Variants in DAB1 observed in about 807,000 individuals in gnomAD.
The protein encoded by DAB1 is disabled homolog 1.
DAB1 carries 15 observed loss-of-function variants against 64.6 expected under a neutral mutation model. The ratio of observed to expected loss-of-function variants is 0.23; its 90% CI spans 0.16 to 0.36. The LOEUF (loss-of-function observed/expected upper bound fraction) is 0.36, where lower values mean the gene tolerates loss of function less well. Ranked by LOEUF, DAB1 falls within the 10% of genes least tolerant of loss-of-function variation. DAB1 has a pLI of 1.00. For synonymous variants in DAB1, 235 were observed against 251.9 expected, an observed-to-expected ratio of 0.93 and a Z score of 0.64; for missense variants, 596 against 706.7, an observed-to-expected ratio of 0.84 and a Z score of 1.78.
At chr1:57,512,896 G>A (rs946517861) in intron 7 of DAB1, among the ~76,000 whole-genome samples, 8 of 152,274 alleles carry the variant, frequency 5.3e-5, no homozygotes, top group Middle Eastern at 3.4e-3. Flanking sequence ...ACCCATTTCC[G>A]TGGATGGTGC....
chr1:58,541,666 C>G (rs1646623374), intron 1 of DAB1: 1 of 134,576 alleles, frequency 7.4e-6, no homozygotes, highest in Non-Finnish European at 1.6e-5. Context: ...CAAAAAAACC[C>G]AGATTGAGGG....
chr1:57,299,351 T>C lies in DAB1; in HGVS notation c.-136-8185A>G, dbSNP rs149197882. 2.6e-5 allele frequency among the ~76,000 whole-genome samples: 4 copies of C among 152,342 alleles called. No individual in the cohort carries two copies. In the East Asian group the frequency reaches 7.7e-4, roughly 29 times the overall value. On this transcript the variant is annotated intron_variant, in intron 1 of 14. Transcript: ENST00000371236. ...GTATTTTTGGAAAAATAAAATGCTA[T>C]GTTCCAGAAGGCAGCATTCTTGTTA... is the stretch of plus-strand genomic sequence containing the variant.
At chr1:57,669,559 T>C (rs1646486863) in intron 6 of DAB1, among the ~76,000 whole-genome samples, 1 of 152,154 alleles carries the variant, frequency 6.6e-6, no homozygotes, top group African/African-American at 2.4e-5. Flanking sequence ...GTTAAATTAA[T>C]TTATGTGAAC....
chr1:57,179,025 G>A (rs1051306903), intron 2 of DAB1, among the ~76,000 whole-genome samples: 1 of 152,132 alleles, frequency 6.6e-6, no homozygotes, highest in Admixed American at 6.6e-5. Flanking sequence ...ATTTATTTGG[G>A]AAGGAGACTC....
At chr1:58,171,342 T>G (rs933338648) in intron 4 of DAB1, among the ~76,000 whole-genome samples, 3 of 152,170 alleles carry the variant, frequency 2.0e-5, no homozygotes, top group Non-Finnish European at 4.4e-5. Flanking sequence ...CATAAAGGAT[T>G]ACAGGATATT....
chr1:58,299,702 T>G (rs1202590701), intron 4 of DAB1, among the ~76,000 whole-genome samples: 1 of 152,142 alleles, frequency 6.6e-6, no homozygotes, highest in East Asian at 1.9e-4. Flanking sequence ...TAACACATCT[T>G]TCTGGGACTT....
chr1:57,795,986 G>A (rs535680043), intron 6 of DAB1, among the ~76,000 whole-genome samples: 9 of 151,410 alleles, frequency 5.9e-5, no homozygotes, highest in Non-Finnish European at 1.2e-4. Context: ...ATAAAACAAG[G>A]TATCATATAT....
chr1:57,888,105 C>T (rs1041218988), upstream of DAB1, among the ~76,000 whole-genome samples: 1 of 152,110 alleles, frequency 6.6e-6, no homozygotes, highest in Non-Finnish European at 1.5e-5. Flanking sequence ...CACTGTAGGG[C>T]CCCGACCACG....
At chr1:58,084,807 A>AT in intron 5 of DAB1, among the ~76,000 whole-genome samples, 1 of 149,958 alleles carries the variant, frequency 6.7e-6, no homozygotes, top group African/African-American at 2.4e-5. Context: ...ATATACACAC[A>AT]TATGTGTATA....
intron 4 of DAB1, among the ~76,000 whole-genome samples, chr1:58,158,260 A>G (rs944200193): frequency 1.2e-4 from 19 of 152,182 alleles, no homozygotes; most frequent in African/African-American, 4.6e-4. Flanking sequence ...CCCATTGTCT[A>G]TGTCTTATCC....
chr1:58,284,113 G>C (rs1188229850), intron 4 of DAB1, among the ~76,000 whole-genome samples: 1 of 152,216 alleles, frequency 6.6e-6, no homozygotes, highest in African/African-American at 2.4e-5. Flanking sequence ...TGACAGACTT[G>C]CCTAGTCTTG....
chr1:57,029,269 C>T (rs1005672962), intron 9 of DAB1, among the ~76,000 whole-genome samples: 4 of 152,146 alleles, frequency 2.6e-5, no homozygotes, highest in African/African-American at 9.7e-5. Context: ...TCTACGGGTG[C>T]ACAGAAGTCA....
chr1:57,343,153 A>T (rs1277209972), intron 1 of DAB1, among the ~76,000 whole-genome samples: 1 of 152,062 alleles, frequency 6.6e-6, no homozygotes, highest in Admixed American at 6.6e-5. Flanking sequence ...CGTCCCCACT[A>T]GATTAGCTAG....
intron 4 of DAB1, among the ~76,000 whole-genome samples, chr1:58,213,342 T>C (rs1658662844): frequency 6.6e-6 from 1 of 152,152 alleles, no homozygotes. Flanking sequence ...TCTGTTCTTA[T>C]GCTGCTAATA....
chr1:57,598,108 G>A (rs1029349458), intron 7 of DAB1, among the ~76,000 whole-genome samples: 16 of 152,230 alleles, frequency 1.1e-4, no homozygotes, highest in East Asian at 7.7e-4. Flanking sequence ...TCAGCCTCCC[G>A]AGTAGCAGGG....
chr1:57,712,693 A>T (rs1309158856), intron 6 of DAB1, among the ~76,000 whole-genome samples: 4 of 152,072 alleles, frequency 2.6e-5, no homozygotes, highest in African/African-American at 9.7e-5. Flanking sequence ...GTGTGTAAAT[A>T]TTATTTTTAT....
chr1:58,527,197 T>C, intron 2 of DAB1: 1 of 831,592 alleles, frequency 1.2e-6, no homozygotes, highest in South Asian at 1.3e-5. Context: ...CTCATTAAAA[T>C]AACACACGTT....
At chr1:57,781,301 T>C (rs1004301946) in intron 6 of DAB1, among the ~76,000 whole-genome samples, 5 of 151,572 alleles carry the variant, frequency 3.3e-5, no homozygotes, top group Non-Finnish European at 7.4e-5. Context: ...AAAAGATGCT[T>C]CATTTAGGCT....
At chr1:57,270,742 T>G (rs1259862084) in intron 2 of DAB1, among the ~76,000 whole-genome samples, 6 of 152,326 alleles carry the variant, frequency 3.9e-5, no homozygotes, top group Non-Finnish European at 7.3e-5. Context: ...GTGGACACTT[T>G]CATCTGTGAT....
Sources: gnomAD v4.1 joint callset for allele counts (sites outside exome capture counted in the v4.1 genomes callset) on GRCh38, gnomAD v4.1.1 for gene constraint, MANE v1.5 for transcripts, NCBI Gene and HGNC (gene_info 2026-07-23, HGNC 2026-07-21) for gene names.